NPM1: variants seen among roughly 807,000 people sequenced by gnomAD.
NPM1 encodes the protein nucleophosmin 1, also known as nucleophosmin.
Under a neutral mutation model 44.1 loss-of-function variants are expected in NPM1, and 1 was observed. That is an observed-to-expected ratio of 0.02 (90% CI 0.01 to 0.11). The LOEUF (loss-of-function observed/expected upper bound fraction) is 0.11, where lower values mean the gene tolerates loss of function less well. Among genes scored for constraint, NPM1 ranks in the 10% least tolerant of loss-of-function variants. NPM1 has a pLI of 1.00. For missense variants in NPM1, 197 were observed against 347.8 expected, an observed-to-expected ratio of 0.57 and a Z score of 3.45; for synonymous variants, 126 against 111.8, an observed-to-expected ratio of 1.13 and a Z score of -0.80.
At chr5:171,405,218 A>G in intron 8 of NPM1, 84 bp from the exon 9 acceptor site, 3 of 682,318 alleles carry the variant, frequency 4.4e-6, no homozygotes, top group South Asian at 3.5e-5. Context: ...TTGTGAGAAT[A>G]TTTGAGGAAA....
chr5:171,406,809 T>TA, intron 9 of NPM1: 1 of 682,958 alleles, frequency 1.5e-6, no homozygotes, highest in Middle Eastern at 6.5e-4. Flanking sequence ...TTAAGTTTCT[T>TA]AATGCTATAC....
Position 171,389,787 on chromosome 5 carries a change from C to G in NPM1, c.59-264C>G, listed in dbSNP as rs188289664. ...GGTTGAGATTTACTAAACCATTGAGCTTGTTTATGCAGAATAACAGTACCT... is the reference window on the plus strand; with the variant it reads ...GGTTGAGATTTACTAAACCATTGAGGTTGTTTATGCAGAATAACAGTACCT... On this transcript the variant is annotated intron_variant, in intron 1 of 10. Transcript: ENST00000296930. Among the ~76,000 whole-genome samples the G allele has an allele frequency of 8.9e-4, 136 of 152,220 alleles. 2 individuals carry two copies. The highest frequency in any genetic ancestry group is 8.8e-3 in the Admixed American group (135 of 15,286).
rs145498389 is a variant in NPM1 at position 171,389,811 on chromosome 5, C to T, written c.59-240C>T. 2.9e-3 allele frequency among the ~76,000 whole-genome samples: 436 copies of T among 152,256 alleles called. 4 individuals carry two copies. Among genetic ancestry groups the T allele is most frequent in the African/African-American group, 0.01 (418 of 41,540 alleles). ...GCTTGTTTATGCAGAATAACAGTAC[C>T]TATCAGCGTAGTTAGAGATGAAATA... is the stretch of plus-strand genomic sequence containing the variant. On this transcript the variant is annotated intron_variant, in intron 1 of 10. Transcript: ENST00000296930.
intron 3 of NPM1, 113 bp from the exon 4 acceptor site, chr5:171,391,593 C>CAA: frequency 8.9e-7 from 1 of 1,118,200 alleles, no homozygotes; most frequent in Middle Eastern, 2.0e-4. Context: ...CTACTTTTAT[C>CAA]AGAGGTGGAA....
chr5:171,393,312 G>A (rs11134697), intron 6 of NPM1, among the ~76,000 whole-genome samples: 91,292 of 151,994 alleles, frequency 0.6, 27,806 homozygotes, highest in African/African-American at 0.72. Flanking sequence ...TTTATGGTGA[G>A]CAGTTAATGA....
In NPM1 at chr5:171,392,879, T is replaced by G. The variant is rs199578865; in HGVS notation, c.460-35T>G. On this transcript the variant is annotated intron_variant, in intron 5 of 10. Transcript: ENST00000296930. ...GCTTTTAGTTTGGTGATAGAACAGC[T>G]CTTGTTCATGAGTACGTATCTTTTC... is the stretch of plus-strand genomic sequence containing the variant. The G allele has an allele frequency of 3.7e-6, 6 of 1,613,004 alleles. No homozygotes were observed. In the East Asian group the frequency reaches 1.3e-4, roughly 36 times the overall value.
At chr5:171,391,987 A>T (rs778470838) in intron 4 of NPM1, among the ~76,000 whole-genome samples, 188 bp downstream of exon 4, 11 of 151,742 alleles carry the variant, frequency 7.2e-5, no homozygotes, top group Non-Finnish European at 1.6e-4. Context: ...GCTGTCACCC[A>T]GGCTAGAGTA....
rs185886587 is a variant in NPM1, at chr5:171,392,285, A to T, written c.353-425A>T. Among the ~76,000 whole-genome samples the T allele has an allele frequency of 6.9e-3, 1,058 of 152,290 alleles. 13 individuals carry two copies. The highest frequency in any genetic ancestry group is 0.025 in the African/African-American group (1,019 of 41,556). Reference sequence around the variant, plus strand: ...AAGACAGTCTCATTATAACGGCTGGAGTGCAGTGATGTGATCATAGCTTGC... The same window carrying T: ...AAGACAGTCTCATTATAACGGCTGGTGTGCAGTGATGTGATCATAGCTTGC... On this transcript the variant is annotated intron_variant, in intron 4 of 10. Coordinates refer to ENST00000296930, the MANE Select transcript of NPM1 (RefSeq NM_002520.7).
chr5:171,405,194 T>C, intron 8 of NPM1, 108 bp from the exon 9 acceptor site: 1 of 639,658 alleles, frequency 1.6e-6, no homozygotes. Flanking sequence ...TATAATTAGC[T>C]TTATAAGGGA....
At chr5:171,402,988 T>C (rs1771305874) in intron 8 of NPM1, among the ~76,000 whole-genome samples, 1 of 142,690 alleles carries the variant, frequency 7.0e-6, no homozygotes, top group Non-Finnish European at 1.5e-5. Flanking sequence ...TTTATTTATT[T>C]ATTTTTTATT....
At chr5:171,398,675 G>A (rs2113220835) in intron 6 of NPM1, among the ~76,000 whole-genome samples, 1 of 152,194 alleles carries the variant, frequency 6.6e-6, no homozygotes, top group Middle Eastern at 3.4e-3. Flanking sequence ...GGAGGCTGAG[G>A]CTGGAGAATT....
chr5:171,391,049 T>A (rs1231196540), intron 2 of NPM1: 7 of 306,848 alleles, frequency 2.3e-5, no homozygotes, highest in Non-Finnish European at 3.6e-5. Flanking sequence ...GCACAAATAC[T>A]GTGTTTCGGT....
intron 1 of NPM1, among the ~76,000 whole-genome samples, chr5:171,388,742 G>C (rs1449944208): frequency 6.6e-6 from 1 of 152,336 alleles, no homozygotes; most frequent in African/African-American, 2.4e-5. Context: ...AGTGCTTACA[G>C]CATGTACTGT....
chr5:171,408,504 C>T (rs1011686118), intron 10 of NPM1, among the ~76,000 whole-genome samples: 1 of 151,900 alleles, frequency 6.6e-6, no homozygotes, highest in African/African-American at 2.4e-5. Context: ...TTTTTTCTGC[C>T]ATAGTATTTT....
intron 8 of NPM1, among the ~76,000 whole-genome samples, chr5:171,403,218 A>G (rs1771328307): frequency 1.1e-5 from 1 of 91,562 alleles, no homozygotes; most frequent in South Asian, 4.2e-4. Context: ...CTTAACGAGC[A>G]TGCTGCCTTC....
intron 8 of NPM1, among the ~76,000 whole-genome samples, chr5:171,403,444 C>A (rs1581254321): frequency 8.5e-5 from 10 of 117,240 alleles, no homozygotes; most frequent in Admixed American, 8.4e-4. Flanking sequence ...ATTTCTCAAT[C>A]TTTTCCCCAC....
chr5:171,399,683 A>ATTT (rs373293546), intron 6 of NPM1, among the ~76,000 whole-genome samples: 21,767 of 150,302 alleles, frequency 0.14, 1,650 homozygotes, highest in Middle Eastern at 0.26. Context: ...TAGGTCTTTA[A>ATTT]TTTTTTTTTT....
At chr5:171,389,115 C>T (rs1770436824) in intron 1 of NPM1, among the ~76,000 whole-genome samples, 1 of 152,178 alleles carries the variant, frequency 6.6e-6, no homozygotes, top group Non-Finnish European at 1.5e-5. Flanking sequence ...TGCGGTAGTC[C>T]TGCCCCAAAA....
chr5:171,408,834 G>A (rs1771691065), intron 10 of NPM1, among the ~76,000 whole-genome samples: 1 of 152,160 alleles, frequency 6.6e-6, no homozygotes, highest in Non-Finnish European at 1.5e-5. Context: ...TAACAGCTAA[G>A]CAGCATAAGA....
Sources: allele counts gnomAD v4.1 joint callset (sites outside exome capture counted in the v4.1 genomes callset), GRCh38; gene constraint gnomAD v4.1.1; transcripts MANE v1.5; gene names NCBI Gene and HGNC (gene_info 2026-07-23, HGNC 2026-07-21).